ZNF599: variants seen among roughly 807,000 people sequenced by gnomAD.
The protein encoded by ZNF599 is zinc finger protein 599.
ZNF599 carries 10 observed loss-of-function variants against 11.7 expected under a neutral mutation model. The observed-to-expected ratio is 0.86, with a 90% CI of 0.53 to 1.45. The LOEUF (loss-of-function observed/expected upper bound fraction) is 1.45. ZNF599 is among the 40% of genes most tolerant of loss of function. The pLI is 0.00. For synonymous variants in ZNF599, 232 were observed against 253.2 expected, an observed-to-expected ratio of 0.92 and a Z score of 0.79; for missense variants, 688 against 713.6, an observed-to-expected ratio of 0.96 and a Z score of 0.41.
the ZNF599 span, among the ~76,000 whole-genome samples, chr19:34,779,244 T>A: frequency 2.3e-5 from 1 of 43,282 alleles, no homozygotes; most frequent in Admixed American, 2.2e-4. Flanking sequence ...CATGCCCAGC[T>A]TTTTTTTTTT....
At chr19:34,798,113 T>C in the ZNF599 span, among the ~76,000 whole-genome samples, 1 of 152,370 alleles carries the variant, frequency 6.6e-6, no homozygotes, top group South Asian at 2.1e-4. Flanking sequence ...TGGCTCATTC[T>C]GGCAGTCCCA....
chr19:34,767,152 G>C (rs748302466), intron 3 of ZNF599, 164 bp downstream of exon 3: 4 of 597,690 alleles, frequency 6.7e-6, no homozygotes, highest in Non-Finnish European at 1.2e-5. Context: ...CTGAATAAAG[G>C]CAAAGAGTGT....
chr19:34,794,273 A>T, the ZNF599 span, among the ~76,000 whole-genome samples: 1 of 152,228 alleles, frequency 6.6e-6, no homozygotes, highest in Non-Finnish European at 1.5e-5. Flanking sequence ...GTGGGGACAC[A>T]GAGACAAACC....
chr19:34,770,690 C>G (rs1289534978), intron 1 of ZNF599, among the ~76,000 whole-genome samples: 1 of 152,194 alleles, frequency 6.6e-6, no homozygotes, highest in Admixed American at 6.5e-5. Flanking sequence ...CTCTAAGAAC[C>G]TGGCAGCTGC....
At position 34,759,638 on chromosome 19, in the gene ZNF599, A is replaced by C; in HGVS notation, c.1163T>G (p.Ile388Ser). ...LNSSFTQHMR[I>S]HTGEKPYECG... ...CTCATAGGGTTTCTCTCCAGTGTGA[A>C]TCCTCATGTGCTGAGTGAAGGATGA... Residue 388 changes from isoleucine to serine, a missense_variant, in exon 4 of 4, where the codon ATT becomes AGT. By Grantham distance (142) the Ile-to-Ser change is moderately radical. Transcript: ENST00000329285. 12 of 1,614,158 alleles carry C rather than the reference A, an allele frequency of 7.4e-6. No individual in the cohort carries two copies. The highest frequency in any genetic ancestry group is 1.0e-5 in the Non-Finnish European group (12 of 1,180,020).
In ZNF599 at chr19:34,759,994, G is replaced by T; in HGVS notation, c.807C>A (p.His269Gln). The change falls in exon 4 of 4, where the codon CAC becomes CAA. Residue 269 changes from histidine to glutamine, a missense_variant. His to Gln is a conservative substitution (Grantham distance 24). Transcript: ENST00000329285. ...ECGKAFKRRF[H>Q]LTEHQRIHTG... Reference sequence around the variant, plus strand: ...TGTGAATACGCTGGTGCTCCGTGAGGTGAAACCTGCGTTTGAAGGCTTTCC... The same window carrying T: ...TGTGAATACGCTGGTGCTCCGTGAGTTGAAACCTGCGTTTGAAGGCTTTCC... 1 of 1,614,176 alleles carries T rather than the reference G, an allele frequency of 6.2e-7. No homozygotes were observed. The highest frequency in any genetic ancestry group is 8.5e-7 in the Non-Finnish European group (1 of 1,180,040).
upstream of ZNF599, among the ~76,000 whole-genome samples, chr19:34,773,929 T>C (rs1358585943): frequency 1.3e-5 from 2 of 152,212 alleles, no homozygotes; most frequent in East Asian, 3.8e-4. Context: ...ATCATCACAA[T>C]ACACTGCTAG....
intron 2 of ZNF599, among the ~76,000 whole-genome samples, chr19:34,768,631 G>C (rs1279786916): frequency 6.6e-6 from 1 of 152,134 alleles, no homozygotes; most frequent in East Asian, 1.9e-4. Context: ...ACACATATTA[G>C]TTACCTTGCT....
At chr19:34,761,627 T>C (rs1278359618) in intron 3 of ZNF599, among the ~76,000 whole-genome samples, 1 of 152,118 alleles carries the variant, frequency 6.6e-6, no homozygotes, top group East Asian at 1.9e-4. Flanking sequence ...AACTCAGAAA[T>C]GTATATATGT....
chr19:34,790,001 T>C, the ZNF599 span, among the ~76,000 whole-genome samples: 2 of 152,206 alleles, frequency 1.3e-5, no homozygotes, highest in Non-Finnish European at 2.9e-5. Flanking sequence ...ATTTAAGTCT[T>C]TAGTTCATTT....
rs1350153920 is a variant in ZNF599, at chr19:34,759,821, G to A, written c.980C>T (p.Ala327Val). ...TCCAGTATGAATCCTCATATGTTGA[G>A]CAAATGAGGAGCTGTAGTAAAAAGC... Reference protein sequence around the residue: ...GKAFYYSSSFAQHMRIHTGKK... With the variant: ...GKAFYYSSSFVQHMRIHTGKK... Residue 327 changes from alanine (A) to valine (V), a missense_variant, in exon 4 of 4, where the codon GCT (alanine) becomes GTT (valine). Ala to Val is a moderately conservative substitution (Grantham distance 64, BLOSUM62 0). Transcript: ENST00000329285. 3.7e-6 allele frequency: 6 copies of A among 1,614,012 alleles called. No individual in the cohort carries two copies. The South Asian group carries it at 6.6e-5, about 18-fold the overall frequency.
chr19:34,796,548 C>G, the ZNF599 span, among the ~76,000 whole-genome samples: 2 of 151,896 alleles, frequency 1.3e-5, no homozygotes, highest in African/African-American at 2.4e-5. Flanking sequence ...TGATCTCAAG[C>G]GATCTGCCTG....
chr19:34,767,871 G>C (rs2069155431), intron 2 of ZNF599, among the ~76,000 whole-genome samples: 1 of 152,212 alleles, frequency 6.6e-6, no homozygotes, highest in South Asian at 2.1e-4. Context: ...AGAGAACTGG[G>C]TTAGCATGGA....
rs2069091144 is a variant in ZNF599, at chr19:34,759,200, G to C, written c.1601C>G (p.Pro534Arg). The change falls in exon 4 of 4, where the codon CCT becomes CGT. Residue 534 changes from proline (P) to arginine (R), a missense_variant. Pro to Arg is a moderately radical substitution (Grantham distance 103, BLOSUM62 -2). Transcript: ENST00000329285. ...TTTCTCACATTCTTTGCATTCAAAA[G>C]GTTTTTCTCCAGTGTGGATCCTATT... ...RHNRIHTGEKPFECKECEKAF... is the reference protein window; with the variant it reads ...RHNRIHTGEKRFECKECEKAF... 6.2e-7 allele frequency: 1 copy of C among 1,614,004 alleles called. No individual in the cohort carries two copies. The highest frequency in any genetic ancestry group is 8.5e-7 in the Non-Finnish European group (1 of 1,180,020).
the ZNF599 span, among the ~76,000 whole-genome samples, chr19:34,787,097 G>A: frequency 2.6e-5 from 4 of 152,144 alleles, no homozygotes; most frequent in African/African-American, 7.2e-5. Flanking sequence ...GAAAGGGAAT[G>A]CTCATTAAAA....
chr19:34,800,587 T>TG, the ZNF599 span, among the ~76,000 whole-genome samples: 10 of 732 alleles, frequency 0.014, no homozygotes, highest in Admixed American at 0.026. Flanking sequence ...ATTTCCTTTG[T>TG]TTTTTTTTTT....
intron 1 of ZNF599, among the ~76,000 whole-genome samples, chr19:34,771,484 T>G (rs2069183760): frequency 6.6e-6 from 1 of 152,210 alleles, no homozygotes; most frequent in Admixed American, 6.5e-5. Context: ...AGCTACTATT[T>G]GTTGCTGTTA....
At position 34,772,633 on chromosome 19, in the gene ZNF599, C is replaced by T. The variant is rs1568495579; in HGVS notation, c.18+191G>A. 5 of 1,386,186 alleles carry T rather than the reference C, an allele frequency of 3.6e-6. No homozygotes were observed. In the South Asian group the frequency reaches 6.4e-5, roughly 18 times the overall value. 85.9% of individuals were successfully genotyped at this position (1,386,186 alleles called of 1,614,324 possible). On this transcript the variant is annotated intron_variant, in intron 1 of 3. Transcript: ENST00000329285. ...AGACAGGGACCTCTCCTTACAACTC[C>T]TGTCCTGGATTCAGGACCCTGGGTA... is the stretch of plus-strand genomic sequence containing the variant.
rs1420051580 is a variant in ZNF599, at chr19:34,772,393, C to A, written c.18+431G>T. On this transcript the variant is annotated intron_variant, in intron 1 of 3. Transcript: ENST00000329285. ...AGCTTTTGGTAGGGCCAGACTTCCGCTGGAATGATCCCCTAAAACAACAGC... is the reference window on the plus strand; with the variant it reads ...AGCTTTTGGTAGGGCCAGACTTCCGATGGAATGATCCCCTAAAACAACAGC... The A allele has an allele frequency of 5.0e-6, 5 of 1,006,096 alleles. No individual in the cohort carries two copies. In the East Asian group the frequency reaches 5.0e-4, roughly 100 times the overall value. The allele number at this position is 1,006,096 out of a possible 1,614,324, so 62.3% of individuals were successfully genotyped here.
Sources: gnomAD v4.1 joint callset for allele counts (sites outside exome capture counted in the v4.1 genomes callset) on GRCh38, gnomAD v4.1.1 for gene constraint, MANE v1.5 for transcripts, NCBI Gene and HGNC (gene_info 2026-07-23, HGNC 2026-07-21) for gene names.